INSL3: variants seen among roughly 807,000 people sequenced by gnomAD.
INSL3 encodes the protein insulin like 3, also known as insulin-like 3.
Under a neutral mutation model 5.5 loss-of-function variants are expected in INSL3, and 6 were observed. The ratio of observed to expected loss-of-function variants is 1.08; its 90% confidence interval spans 0.59 to 2.14. The LOEUF (loss-of-function observed/expected upper bound fraction) is 2.14. Ranked by LOEUF, INSL3 falls within the 30% of genes most tolerant of loss-of-function variation. The pLI is 0.00. For synonymous variants in INSL3, 86 were observed against 82.1 expected, an observed-to-expected ratio of 1.05 and a Z score of -0.26; for missense variants, 178 against 184.7, an observed-to-expected ratio of 0.96 and a Z score of 0.21.
intron 1 of INSL3, among the ~76,000 whole-genome samples, chr19:17,819,870 A>T (rs540711857): frequency 5.3e-4 from 79 of 149,190 alleles, no homozygotes; most frequent in African/African-American, 1.9e-3. Flanking sequence ...ACAAAACAAG[A>T]CCAGACTGGC....
At chr19:17,819,076 C>T (rs945008403) in intron 1 of INSL3, among the ~76,000 whole-genome samples, 2 of 151,122 alleles carry the variant, frequency 1.3e-5, no homozygotes, top group East Asian at 2.0e-4. Context: ...GGTTTCGCCA[C>T]GTTGGCCAGG....
At chr19:17,820,060 G>A (rs1351527960) in intron 1 of INSL3, among the ~76,000 whole-genome samples, 1 of 152,094 alleles carries the variant, frequency 6.6e-6, no homozygotes, top group Non-Finnish European at 1.5e-5. Flanking sequence ...GCAGTGAGCT[G>A]AGATCGTGCC....
At chr19:17,820,095 A>G (rs1457128846) in intron 1 of INSL3, among the ~76,000 whole-genome samples, 1 of 151,850 alleles carries the variant, frequency 6.6e-6, no homozygotes, top group Non-Finnish European at 1.5e-5. Context: ...CGGGTGACAG[A>G]GCGAGACTCC....
rs1278534626 is a variant in INSL3 at position 17,821,374 on chromosome 19, C to T, written c.133G>A (p.Val45Met). ...GHHFVRALVR[V>M]CGGPRWSTEA... is the part of the protein sequence containing the mutation. ...GTGGACCAGCGGGGGCCCCCGCACA[C>T]GCGCACTAGCGCGCGTACGAAGTGG... Residue 45 changes from valine (V) to methionine (M), a missense_variant, in exon 1 of 2, where the codon GTG becomes ATG. Transcript: ENST00000317306. 3 of 1,548,424 alleles carry T rather than the reference C, an allele frequency of 1.9e-6. No individual in the cohort carries two copies. Among genetic ancestry groups the T allele is most frequent in the African/African-American group, 1.4e-5 (1 of 73,004 alleles).
intron 1 of INSL3, among the ~76,000 whole-genome samples, chr19:17,817,912 G>A (rs1366163950): frequency 6.6e-6 from 1 of 151,624 alleles, no homozygotes; most frequent in Non-Finnish European, 1.5e-5. Flanking sequence ...CCAGCTGCGT[G>A]GGTCCCCATA....
intron 1 of INSL3, among the ~76,000 whole-genome samples, chr19:17,820,794 G>A (rs374642582): frequency 6.6e-6 from 1 of 151,382 alleles, no homozygotes; most frequent in African/African-American, 2.4e-5. Context: ...CCCTCAGGGG[G>A]ACTCATGCTC....
In INSL3 at chr19:17,820,815, CTTT is replaced by C. The variant is rs11339511; in HGVS notation, c.190+499_190+501del. Among the ~76,000 whole-genome samples, 24 of 127,848 alleles carry C rather than the reference CTTT, an allele frequency of 1.9e-4. 1 individual carries two copies. Among genetic ancestry groups the C allele is most frequent in the Non-Finnish European group, 2.1e-4 (13 of 60,686 alleles). The allele number at this position is 127,848 out of a possible 152,430, so 83.9% of individuals were successfully genotyped here. A position where few individuals can be genotyped will look rare whatever the true frequency, so the allele number is the denominator to read the frequency against. The stretch of plus-strand genomic sequence containing the variant: ...GGGGGACTCATGCTCTGAGGACTTT[CTTT>C]TTTTTTTTTTTTTGAGACGGAGTTT... On this transcript the variant is annotated intron_variant, in intron 1 of 1. Coordinates refer to ENST00000317306, the MANE Select transcript of INSL3 (RefSeq NM_005543.4).
At chr19:17,820,688 C>T (rs4808100) in intron 1 of INSL3, among the ~76,000 whole-genome samples, 54,573 of 151,828 alleles carry the variant, frequency 0.36, 10,313 homozygotes, top group African/African-American at 0.39. Flanking sequence ...AAAATTAAGG[C>T]AAAAATTCAT....
chr19:17,820,070 C>A (rs1254352593), intron 1 of INSL3, among the ~76,000 whole-genome samples: 1 of 152,044 alleles, frequency 6.6e-6, no homozygotes, highest in Admixed American at 6.6e-5. Flanking sequence ...GAGATCGTGC[C>A]ACTGCACTTC....
chr19:17,816,916 C>G lies in INSL3; in HGVS notation c.334G>C (p.Ala112Pro). ...RHHRAAATNP[A>P]RYCCLSGCTQ... Reference sequence around the variant, plus strand: ...CAGCCACTGAGGCAGCAGTAGCGTGCAGGGTTGGTGGCAGCTGCACGGTGG... The same window carrying G: ...CAGCCACTGAGGCAGCAGTAGCGTGGAGGGTTGGTGGCAGCTGCACGGTGG... The change falls in exon 2 of 2, where the codon GCA becomes CCA. Residue 112 changes from alanine to proline, a missense_variant. Transcript: ENST00000317306. 1 of 1,614,110 alleles carries G rather than the reference C, an allele frequency of 6.2e-7. No homozygotes were observed. Among genetic ancestry groups the G allele is most frequent in the Non-Finnish European group, 8.5e-7 (1 of 1,180,034 alleles).
chr19:17,821,315 A>G lies in INSL3; in HGVS notation c.190+2T>C. On this transcript the variant is annotated splice_donor_variant, in intron 1 of 1. Transcript: ENST00000317306. LOFTEE classifies it high-confidence loss of function. ...GCGCTGTCCCTGCCCGTCCCCACTCACGGTCGCCTCCGGTCGCAGGCCTCC... is the reference window on the plus strand; with the variant it reads ...GCGCTGTCCCTGCCCGTCCCCACTCGCGGTCGCCTCCGGTCGCAGGCCTCC... The G allele has an allele frequency of 6.5e-7, 1 of 1,546,254 alleles. No homozygotes were observed. The highest frequency in any genetic ancestry group is 8.7e-7 in the Non-Finnish European group (1 of 1,146,616).
At position 17,816,545 on chromosome 19, in the gene INSL3, C is replaced by T; in HGVS notation, c.*309G>A. On this transcript the variant is annotated 3_prime_UTR_variant, in exon 2 of 2. Coordinates refer to ENST00000317306, the MANE Select transcript of INSL3 (RefSeq NM_005543.4). ...GGGTCGTTTATTTACTAAGAGACAGCAAGAAGGGGTGTTACACATGCAGGG... is the reference window on the plus strand; with the variant it reads ...GGGTCGTTTATTTACTAAGAGACAGTAAGAAGGGGTGTTACACATGCAGGG... 1 of 443,412 alleles carries T rather than the reference C, an allele frequency of 2.3e-6. No homozygotes were observed. Among genetic ancestry groups the T allele is most frequent in the Non-Finnish European group, 4.2e-6 (1 of 239,640 alleles). The allele number at this position is 443,412 out of a possible 1,614,324, so 27.5% of individuals were successfully genotyped here. A position where few individuals can be genotyped will look rare whatever the true frequency, so the allele number is the denominator to read the frequency against.
rs1479039970 is a variant in INSL3 at position 17,821,349 on chromosome 19, G to A, written c.158C>T (p.Thr53Ile). 8.4e-6 allele frequency: 13 copies of A among 1,548,892 alleles called. No individual in the cohort carries two copies. The highest frequency in any genetic ancestry group is 1.0e-5 in the Non-Finnish European group (12 of 1,146,744). Residue 53 changes from threonine to isoleucine, a missense_variant, in exon 1 of 2, where the codon ACC becomes ATC. By Grantham distance (89) the Thr-to-Ile change is moderately conservative. Transcript: ENST00000317306. ...TCCGGTCGCAGGCCTCCTGGCTTCG[G>A]TGGACCAGCGGGGGCCCCCGCACAC... ...VRVCGGPRWSTEARRPATGGD... is the reference protein window; with the variant it reads ...VRVCGGPRWSIEARRPATGGD...
In INSL3 at chr19:17,816,681, T is replaced by C. The variant is rs1668284420; in HGVS notation, c.*173A>G. 4 of 648,448 alleles carry C rather than the reference T, an allele frequency of 6.2e-6. No homozygotes were observed. Among genetic ancestry groups the C allele is most frequent in the Non-Finnish European group, 1.1e-5 (4 of 364,480 alleles). 40.2% of individuals were successfully genotyped at this position (648,448 alleles called of 1,614,324 possible). On this transcript the variant is annotated 3_prime_UTR_variant, in exon 2 of 2. Transcript: ENST00000317306. ...GGCTAGGGTGTGATTTATTCTGCAG[T>C]TGACTCCACAGGCTGCAGGTGGCAT...
At position 17,816,995 on chromosome 19, in the gene INSL3, G is replaced by A; in HGVS notation, c.255C>T (p.Leu85=). 3 of 1,613,988 alleles carry A rather than the reference G, an allele frequency of 1.9e-6. No homozygotes were observed. The highest frequency in any genetic ancestry group is 2.5e-6 in the Non-Finnish European group (3 of 1,179,948). The change falls in exon 2 of 2, where the codon CTC becomes CTT. Residue 85 remains leucine, a synonymous_variant. Transcript: ENST00000317306. The part of the protein sequence containing the change: ...LLHGLVADSN[L]TLGPGLQPLP... Reference sequence around the variant, plus strand: ...GGGGCTGCAGGCCAGGTCCCAGCGTGAGATTACTGTCGGCCACCAGCCCAT... The same window carrying A: ...GGGGCTGCAGGCCAGGTCCCAGCGTAAGATTACTGTCGGCCACCAGCCCAT...
intron 1 of INSL3, 139 bp from the exon 2 acceptor site, chr19:17,817,198 C>T (rs574423090): frequency 7.7e-5 from 68 of 887,740 alleles, no homozygotes; most frequent in Non-Finnish European, 1.1e-4. Flanking sequence ...TGAGCACTGG[C>T]CGGGTGCAGT....
chr19:17,816,960 G>A lies in INSL3; in HGVS notation c.290C>T (p.Thr97Ile). ...LGPGLQPLPQTSHHHRHHRAA... is the reference protein window; with the variant it reads ...LGPGLQPLPQISHHHRHHRAA... Reference sequence around the variant, plus strand: ...ACGGTGGTGGCGGTGATGGTGAGAGGTCTGGGGCAGGGGCTGCAGGCCAGG... The same window carrying A: ...ACGGTGGTGGCGGTGATGGTGAGAGATCTGGGGCAGGGGCTGCAGGCCAGG... The change falls in exon 2 of 2, where the codon ACC (threonine) becomes ATC (isoleucine). Residue 97 changes from threonine to isoleucine, a missense_variant. Coordinates refer to ENST00000317306, the MANE Select transcript of INSL3 (RefSeq NM_005543.4). The A allele has an allele frequency of 4.3e-6, 7 of 1,614,086 alleles. No individual in the cohort carries two copies. Among genetic ancestry groups the A allele is most frequent in the Non-Finnish European group, 5.9e-6 (7 of 1,180,028 alleles).
rs538955868 is a variant in INSL3, at chr19:17,821,428, G to C, written c.79C>G (p.Pro27Ala). The C allele has an allele frequency of 1.9e-6, 3 of 1,546,650 alleles. No individual in the cohort carries two copies. Among genetic ancestry groups the C allele is most frequent in the Non-Finnish European group, 2.6e-6 (3 of 1,144,538 alleles). Residue 27 changes from proline to alanine, a missense_variant, in exon 1 of 2, where the codon CCA (proline) becomes GCA (alanine). Physicochemically the swap from Pro to Ala is conservative, Grantham distance 27. Coordinates refer to ENST00000317306, the MANE Select transcript of INSL3 (RefSeq NM_005543.4). The stretch of plus-strand genomic sequence containing the variant: ...CCGCACAACTTCTCACGCATCTCTG[G>C]GGTGGGCGCGGGGCCCAACGCGAAC... ...LVFALGPAPT[P>A]EMREKLCGHH...
chr19:17,817,096 A>T, intron 1 of INSL3, 37 bp from the exon 2 acceptor site: 2 of 1,589,404 alleles, frequency 1.3e-6, no homozygotes, highest in Non-Finnish European at 8.6e-7. Flanking sequence ...AACGGAAACG[A>T]CAGAGGACAT....
Sources: allele counts gnomAD v4.1 joint callset (sites outside exome capture counted in the v4.1 genomes callset), GRCh38; gene constraint gnomAD v4.1.1; transcripts MANE v1.5; gene names NCBI Gene and HGNC (gene_info 2026-07-23, HGNC 2026-07-21).